The following LRBA variants were observed in gnomAD, a reference collection of about 807,000 sequenced individuals.
LRBA encodes lipopolysaccharide-responsive and beige-like anchor protein.
Under a neutral mutation model 330.0 loss-of-function variants are expected in LRBA, and 176 were observed. The observed-to-expected ratio is 0.53, with a 90% CI of 0.47 to 0.60. The LOEUF (loss-of-function observed/expected upper bound fraction) is 0.60, where lower values mean the gene tolerates loss of function less well. Among genes scored for constraint, LRBA ranks in the 20% least tolerant of loss-of-function variants. The pLI is 0.00. For missense variants in LRBA, 3,259 were observed against 3,444.8 expected, an observed-to-expected ratio of 0.95 and a Z score of 1.35; for synonymous variants, 1,230 against 1,193.0, an observed-to-expected ratio of 1.03 and a Z score of -0.64.
At chr4:150,362,517 C>T (rs1445895811) in intron 47 of LRBA, among the ~76,000 whole-genome samples, 1 of 152,136 alleles carries the variant, frequency 6.6e-6, no homozygotes, top group Non-Finnish European at 1.5e-5. Context: ...CCAACTTTAA[C>T]ACACACCAAA....
chr4:150,547,935 T>C (rs1766051403), intron 40 of LRBA, among the ~76,000 whole-genome samples: 1 of 152,154 alleles, frequency 6.6e-6, no homozygotes, highest in African/African-American at 2.4e-5. Context: ...TAAATGACTT[T>C]TACTTGCTGT....
In LRBA at chr4:150,690,300, G is replaced by A. The variant is rs188242482; in HGVS notation, c.5755-6583C>T. Among the ~76,000 whole-genome samples, 19 of 151,946 alleles carry A rather than the reference G, an allele frequency of 1.3e-4. No individual in the cohort carries two copies. The East Asian group carries it at 2.5e-3, about 20-fold the overall frequency. On this transcript the variant is annotated intron_variant, in intron 36 of 56. Transcript: ENST00000651943. The stretch of plus-strand genomic sequence containing the variant: ...AGGTAGATCACAAGGTCAGGAGATC[G>A]AGACCACCCTAGAAAACAAGGTGAA...
At chr4:150,582,359 A>G (rs939677022) in intron 40 of LRBA, 1 of 151,992 alleles carries the variant, frequency 6.6e-6, no homozygotes, top group African/African-American at 2.4e-5. Flanking sequence ...CGACCCCCCG[A>G]GAAGAGACGA....
At chr4:150,789,085 T>C (rs1481701086) in intron 34 of LRBA, among the ~76,000 whole-genome samples, 2 of 151,932 alleles carry the variant, frequency 1.3e-5, no homozygotes, top group African/African-American at 4.8e-5. Context: ...AAAAAATATA[T>C]ATATATATTC....
chr4:150,467,104 A>C (rs896416412), intron 44 of LRBA, among the ~76,000 whole-genome samples: 2 of 152,128 alleles, frequency 1.3e-5, no homozygotes, highest in African/African-American at 4.8e-5. Context: ...AATAACTTCA[A>C]GAAGCTCCCC....
intron 35 of LRBA, among the ~76,000 whole-genome samples, chr4:150,747,610 C>A (rs1473678601): frequency 6.6e-6 from 1 of 152,188 alleles, no homozygotes; most frequent in Non-Finnish European, 1.5e-5. Context: ...TATATACAAA[C>A]AGCAAGATAA....
At position 150,867,651 on chromosome 4, in the gene LRBA, G is replaced by A. The variant is rs375513723; in HGVS notation, c.2766+20C>T. ...ATAGATATTTAAAATGCTACAATAC[G>A]CTTTCATAAAGAAACTTACCTTTGA... is the stretch of plus-strand genomic sequence containing the variant. On this transcript the variant is annotated intron_variant, in intron 22 of 56. Coordinates refer to ENST00000651943, the MANE Select transcript of LRBA (RefSeq NM_001364905.1). The A allele has an allele frequency of 1.1e-5, 17 of 1,569,346 alleles. No homozygotes were observed. The highest frequency in any genetic ancestry group is 6.9e-5 in the African/African-American group (5 of 72,360).
At chr4:150,270,378 C>T (rs186834539) in intron 56 of LRBA, among the ~76,000 whole-genome samples, 9 of 152,310 alleles carry the variant, frequency 5.9e-5, no homozygotes, top group Non-Finnish European at 1.0e-4. Flanking sequence ...TATTCTGATA[C>T]GTGCTACGAC....
chr4:150,737,957 T>TC (rs571865172), intron 35 of LRBA, among the ~76,000 whole-genome samples: 1 of 142,768 alleles, frequency 7.0e-6, no homozygotes, highest in Non-Finnish European at 1.5e-5. Flanking sequence ...TCTAACCCCC[T>TC]CCTCAAGTCA....
intron 48 of LRBA, among the ~76,000 whole-genome samples, chr4:150,327,629 G>A (rs1733469859): frequency 6.6e-6 from 1 of 152,118 alleles, no homozygotes; most frequent in Non-Finnish European, 1.5e-5. Context: ...TTGACTTTAG[G>A]CAATTAGCTT....
At chr4:150,430,286 T>C (rs1439239497) in intron 46 of LRBA, among the ~76,000 whole-genome samples, 1 of 152,154 alleles carries the variant, frequency 6.6e-6, no homozygotes, top group Non-Finnish European at 1.5e-5. Context: ...GCAATACATA[T>C]GTCAACACCA....
chr4:150,685,418 A>G (rs867335614), intron 36 of LRBA, among the ~76,000 whole-genome samples: 1 of 18,796 alleles, frequency 5.3e-5, no homozygotes, highest in Non-Finnish European at 9.1e-5. Context: ...ATATATATAT[A>G]TATTTTTTTT....
intron 26 of LRBA, among the ~76,000 whole-genome samples, chr4:150,847,002 A>T (rs1308767090): frequency 6.6e-6 from 1 of 152,212 alleles, no homozygotes; most frequent in Non-Finnish European, 1.5e-5. Context: ...TTTCTAGGAA[A>T]GTGAAAAGCC....
At chr4:150,648,692 A>C (rs2126759220) in intron 37 of LRBA, among the ~76,000 whole-genome samples, 1 of 152,210 alleles carries the variant, frequency 6.6e-6, no homozygotes, top group Admixed American at 6.5e-5. Context: ...GAAGCTTATT[A>C]GCATTTTAGA....
intron 2 of LRBA, among the ~76,000 whole-genome samples, chr4:151,003,271 C>A (rs950247069): frequency 3.3e-5 from 5 of 151,568 alleles, no homozygotes; most frequent in Admixed American, 6.6e-5. Context: ...GTGGCGCACA[C>A]CTGTAATACC....
chr4:150,391,114 CA>C (rs1418371417), intron 47 of LRBA, among the ~76,000 whole-genome samples: 3 of 152,166 alleles, frequency 2.0e-5, no homozygotes, highest in African/African-American at 7.2e-5. Flanking sequence ...TTCCTAGTCA[CA>C]TTCTTTTAAA....
At chr4:150,962,815 G>T (rs1327153773) in intron 2 of LRBA, among the ~76,000 whole-genome samples, 1 of 147,442 alleles carries the variant, frequency 6.8e-6, no homozygotes, top group Non-Finnish European at 1.5e-5. Context: ...TTAGCCGGGC[G>T]TGGTGGCATG....
At chr4:150,396,480 T>TCACACACACACACACACACA (rs10641158) in intron 47 of LRBA, among the ~76,000 whole-genome samples, 247 of 145,860 alleles carry the variant, frequency 1.7e-3, no homozygotes, top group African/African-American at 3.9e-3. Flanking sequence ...AAATCTCATC[T>TCACACACACACACACACACA]CACACACACA....
At chr4:150,601,560 T>G (rs1774112527) in intron 37 of LRBA, among the ~76,000 whole-genome samples, 1 of 152,142 alleles carries the variant, frequency 6.6e-6, no homozygotes, top group African/African-American at 2.4e-5. Context: ...ATGGTGACAT[T>G]TGGCTAAAAC....
Sources: allele counts gnomAD v4.1 joint callset (sites outside exome capture counted in the v4.1 genomes callset), GRCh38; gene constraint gnomAD v4.1.1; transcripts MANE v1.5; gene names NCBI Gene and HGNC (gene_info 2026-07-23, HGNC 2026-07-21).